Variants in GSE1 observed in about 807,000 individuals in gnomAD.
The protein encoded by GSE1 is genetic suppressor element 1.
GSE1 carries 32 observed loss-of-function variants against 112.6 expected under a neutral mutation model. That is an observed-to-expected ratio of 0.28 (90% confidence interval 0.21 to 0.38). The LOEUF is 0.38. Ranked by LOEUF, GSE1 falls within the 10% of genes least tolerant of loss-of-function variation. GSE1 has a pLI of 1.00. For missense variants in GSE1, 2,348 were observed against 1,699.2 expected, an observed-to-expected ratio of 1.38 and a Z score of -6.71; for synonymous variants, 1,115 against 735.6, an observed-to-expected ratio of 1.52 and a Z score of -8.35.
At chr16:85,413,795 T>G (rs190888032) in intron 2 of GSE1, among the ~76,000 whole-genome samples, 48 of 152,266 alleles carry the variant, frequency 3.2e-4, no homozygotes, top group Admixed American at 2.5e-3. Context: ...CCTTGAATTG[T>G]AATCCCCAGC....
chr16:85,199,384 C>T (rs1406475374), intron 1 of GSE1, among the ~76,000 whole-genome samples: 1 of 152,216 alleles, frequency 6.6e-6, no homozygotes, highest in Non-Finnish European at 1.5e-5. Flanking sequence ...CAGTACCTGG[C>T]TGTGGGGTTT....
At chr16:85,395,092 G>A (rs1303266684) in intron 2 of GSE1, among the ~76,000 whole-genome samples, 2 of 152,194 alleles carry the variant, frequency 1.3e-5, no homozygotes. Flanking sequence ...TAAGCATAGG[G>A]AGGTTGTAGG....
chr16:85,170,829 C>A, exon 1 of GSE1: 2 of 985,584 alleles, frequency 2.0e-6, no homozygotes, highest in Non-Finnish European at 2.4e-6. Context: ...AGTGGCAGAG[C>A]TTCGAGCTGG....
chr16:85,218,490 G>A (rs1336495105), intron 1 of GSE1, among the ~76,000 whole-genome samples: 1 of 152,222 alleles, frequency 6.6e-6, no homozygotes, highest in African/African-American at 2.4e-5. Context: ...GGGGCTGCAC[G>A]TGAAACGAGA....
intron 8 of GSE1, chr16:85,659,342 C>G (rs1436529776): frequency 9.9e-5 from 15 of 152,168 alleles, no homozygotes; most frequent in Admixed American, 9.8e-4. Flanking sequence ...TCCAGACATC[C>G]TGTGAGTATA....
intron 1 of GSE1, among the ~76,000 whole-genome samples, chr16:85,204,813 C>T (rs12599949): frequency 0.022 from 3,396 of 152,322 alleles, 101 homozygotes; most frequent in East Asian, 0.12. Flanking sequence ...GCCTGCCCCC[C>T]AGTCCCCCAC....
intron 1 of GSE1, among the ~76,000 whole-genome samples, chr16:85,280,475 A>G (rs1461586504): frequency 1.3e-5 from 2 of 152,246 alleles, no homozygotes; most frequent in East Asian, 3.9e-4. Flanking sequence ...GGCTCAGTGC[A>G]ACCTCCACCT....
At chr16:85,452,104 C>T (rs907762528) in intron 2 of GSE1, among the ~76,000 whole-genome samples, 23 of 152,182 alleles carry the variant, frequency 1.5e-4, no homozygotes, top group Admixed American at 5.9e-4. Context: ...CAGAGAGACC[C>T]GTGTCCGGCG....
intron 1 of GSE1, among the ~76,000 whole-genome samples, chr16:85,211,655 C>A (rs2075228149): frequency 6.6e-6 from 1 of 152,120 alleles, no homozygotes; most frequent in Non-Finnish European, 1.5e-5. Flanking sequence ...TCCCATCTGG[C>A]CTGGAGAGAC....
chr16:85,671,523 A>G (rs1427037081), intron 15 of GSE1, among the ~76,000 whole-genome samples: 1 of 151,800 alleles, frequency 6.6e-6, no homozygotes, highest in Non-Finnish European at 1.5e-5. Flanking sequence ...AGGCTGAGGC[A>G]GGATCACATG....
At chr16:85,517,799 C>A (rs1016494162) in intron 2 of GSE1, among the ~76,000 whole-genome samples, 2 of 152,280 alleles carry the variant, frequency 1.3e-5, no homozygotes, top group African/African-American at 4.8e-5. Flanking sequence ...CAGTGTCCGC[C>A]TCATGGCCTC....
At position 85,675,912 on chromosome 16, in the gene GSE1, CCTT is replaced by C. The variant is rs1411292493; in HGVS notation, c.*3374_*3376del. 2 of 152,538 alleles carry C rather than the reference CCTT, an allele frequency of 1.3e-5. No individual in the cohort carries two copies. The highest frequency in any genetic ancestry group is 2.4e-5 in the African/African-American group (1 of 41,432). 9.4% of individuals were successfully genotyped at this position (152,538 alleles called of 1,614,324 possible). On this transcript the variant is annotated 3_prime_UTR_variant, in exon 16 of 16. Coordinates refer to ENST00000253458, the MANE Select transcript of GSE1 (RefSeq NM_014615.5). Reference sequence around the variant, plus strand: ...CATCCAGTGCTTAACCTAAAAAACTCCTTAACTCTGCCTTGACCTGAGGAAGAC... The same window carrying C: ...CATCCAGTGCTTAACCTAAAAAACTCAACTCTGCCTTGACCTGAGGAAGAC...
At position 85,383,272 on chromosome 16, in the gene GSE1, A is replaced by G. The variant is rs566799482; in HGVS notation, c.2464+25629A>G. Among the ~76,000 whole-genome samples the G allele has an allele frequency of 2.6e-5, 4 of 151,624 alleles. No individual in the cohort carries two copies. In the East Asian group the frequency reaches 5.9e-4, roughly 22 times the overall value. On this transcript the variant is annotated intron_variant, in intron 2 of 2. Coordinates refer to the GSE1 transcript ENST00000637419. ...GCCTGTCACACACTTGAGCATACAC[A>G]CAGTTCCCAGCACACATGCATGTGC... is the stretch of plus-strand genomic sequence containing the variant.
At chr16:85,666,822 G>A (rs890973350) in intron 13 of GSE1, among the ~76,000 whole-genome samples, 1 of 152,232 alleles carries the variant, frequency 6.6e-6, no homozygotes, top group Non-Finnish European at 1.5e-5. Context: ...CAGCCCTCTG[G>A]ATCCGTGGGT....
chr16:85,667,940 G>T (rs1352617984), intron 13 of GSE1, among the ~76,000 whole-genome samples, 200 bp from the exon 14 acceptor site: 1 of 138,948 alleles, frequency 7.2e-6, no homozygotes, highest in African/African-American at 2.8e-5. Flanking sequence ...GGGCTGCGTT[G>T]TCTCCTGGCT....
At chr16:85,556,632 G>C (rs1054205928) in intron 1 of GSE1, among the ~76,000 whole-genome samples, 1 of 150,776 alleles carries the variant, frequency 6.6e-6, no homozygotes, top group Non-Finnish European at 1.5e-5. Flanking sequence ...TTTGTCTGCC[G>C]GGAGCCGGCT....
chr16:85,185,117 A>G (rs8050680), intron 1 of GSE1: 78,059 of 152,046 alleles, frequency 0.51, 20,332 homozygotes, highest in African/African-American at 0.59. Flanking sequence ...TTTGTCTTTC[A>G]GATGAATCGG....
At chr16:85,645,340 C>T (rs1025816691) in intron 2 of GSE1, among the ~76,000 whole-genome samples, 4 of 152,084 alleles carry the variant, frequency 2.6e-5, no homozygotes, top group African/African-American at 9.7e-5. Context: ...TGTGAACGTG[C>T]CTCTGGGCCG....
At chr16:85,441,280 G>T (rs1023668792) in intron 2 of GSE1, among the ~76,000 whole-genome samples, 3 of 152,182 alleles carry the variant, frequency 2.0e-5, no homozygotes, top group African/African-American at 7.2e-5. Context: ...AACCAAAAAT[G>T]TCTGCAGACA....
Sources: allele counts gnomAD v4.1 joint callset (sites outside exome capture counted in the v4.1 genomes callset), GRCh38; gene constraint gnomAD v4.1.1; transcripts MANE v1.5; gene names NCBI Gene and HGNC (gene_info 2026-07-23, HGNC 2026-07-21).